The following CMTM6 variants were observed in gnomAD, a reference collection of about 807,000 sequenced individuals.
CMTM6 encodes CKLF like MARVEL transmembrane domain containing 6, also known as CKLF-like MARVEL transmembrane domain-containing protein 6.
CMTM6 carries 5 observed loss-of-function variants against 13.6 expected under a neutral mutation model. The observed-to-expected ratio is 0.37, with a 90% CI of 0.19 to 0.77. The LOEUF (loss-of-function observed/expected upper bound fraction) is 0.77, where lower values mean the gene tolerates loss of function less well. Among genes scored for constraint, CMTM6 ranks in the 30% least tolerant of loss-of-function variants. CMTM6 has a pLI of 0.50. For missense variants in CMTM6, 196 were observed against 218.6 expected (o/e 0.90, Z 0.65); for synonymous variants, 99 against 84.5 (o/e 1.17, Z -0.94).
intron 2 of CMTM6, among the ~76,000 whole-genome samples, chr3:32,489,134 G>A (rs1000800088): frequency 6.6e-6 from 1 of 151,796 alleles, no homozygotes; most frequent in Non-Finnish European, 1.5e-5. Context: ...GCTGGGCGTG[G>A]TGGTGGGTGC....
At chr3:32,502,347 G>A (rs1232088469) in intron 1 of CMTM6, among the ~76,000 whole-genome samples, 3 of 152,228 alleles carry the variant, frequency 2.0e-5, no homozygotes, top group African/African-American at 7.2e-5. Flanking sequence ...GGTCTCCGAC[G>A]CATTTCCTGA....
intron 1 of CMTM6, among the ~76,000 whole-genome samples, chr3:32,499,866 T>C (rs1311926188): frequency 6.6e-6 from 1 of 150,862 alleles, no homozygotes; most frequent in East Asian, 1.9e-4. Context: ...AATTCAGTTC[T>C]GTAATAGCAA....
chr3:32,484,841 C>T (rs1697189088), intron 3 of CMTM6, among the ~76,000 whole-genome samples: 2 of 152,076 alleles, frequency 1.3e-5, no homozygotes, highest in African/African-American at 4.8e-5. Flanking sequence ...ATCTAAACTC[C>T]CTATCTCCAC....
At chr3:32,486,683 C>T (rs753256205) in intron 3 of CMTM6, among the ~76,000 whole-genome samples, 11 of 152,062 alleles carry the variant, frequency 7.2e-5, no homozygotes, top group Non-Finnish European at 1.3e-4. Flanking sequence ...CAGGGTAATC[C>T]ACCATAATAA....
intron 1 of CMTM6, among the ~76,000 whole-genome samples, chr3:32,497,597 C>T (rs111882435): frequency 0.02 from 3,076 of 150,294 alleles, 45 homozygotes; most frequent in South Asian, 0.042. Flanking sequence ...CGGTGGCTCA[C>T]GCCTGTAATC....
In CMTM6 at chr3:32,487,963, C is replaced by T; in HGVS notation, c.389G>A (p.Arg130Lys). ...ASIIFVSTHD[R>K]TSAEIAAIVF... is the part of the protein sequence containing the mutation. Reference sequence around the variant, plus strand: ...AATTGCAGCAATCTCAGCTGAAGTCCTGTCATGTGTGGAAACAAAAATGAT... The same window carrying T: ...AATTGCAGCAATCTCAGCTGAAGTCTTGTCATGTGTGGAAACAAAAATGAT... Residue 130 changes from arginine (R) to lysine (K), a missense_variant, in exon 3 of 4, where the codon AGG becomes AAG. This residue lies in a region of CMTM6 where 111 missense variants were observed against 160.0 expected (regional missense o/e 0.69). Coordinates refer to ENST00000205636, the MANE Select transcript of CMTM6 (RefSeq NM_017801.3). 1.2e-6 allele frequency: 2 copies of T among 1,613,264 alleles called. No individual in the cohort carries two copies. The highest frequency in any genetic ancestry group is 1.7e-6 in the Non-Finnish European group (2 of 1,179,392).
chr3:32,501,953 A>G (rs1364243707), intron 1 of CMTM6, among the ~76,000 whole-genome samples: 1 of 152,248 alleles, frequency 6.6e-6, no homozygotes, highest in African/African-American at 2.4e-5. Flanking sequence ...TAAACTCAAT[A>G]AAATGGAAAG....
At chr3:32,500,038 T>G (rs1387786322) in intron 1 of CMTM6, among the ~76,000 whole-genome samples, 1 of 152,204 alleles carries the variant, frequency 6.6e-6, no homozygotes, top group East Asian at 1.9e-4. Flanking sequence ...TTTTCTCTTG[T>G]AGGATCTTTG....
intron 1 of CMTM6, among the ~76,000 whole-genome samples, chr3:32,495,147 C>A (rs188208025): frequency 6.6e-6 from 1 of 152,188 alleles, no homozygotes; most frequent in South Asian, 2.1e-4. Context: ...AAAATGTATA[C>A]ATCCCCACAA....
Position 32,502,516 on chromosome 3 carries a change from C to T in CMTM6, c.138+92G>A, listed in dbSNP as rs77589328. 3,827 of 1,490,332 alleles carry T rather than the reference C, an allele frequency of 2.6e-3. 96 individuals carry two copies. In the African/African-American group the frequency reaches 0.049, roughly 19 times the overall value. 92.3% of individuals were successfully genotyped at this position (1,490,332 alleles called of 1,614,324 possible). A position where few individuals can be genotyped will look rare whatever the true frequency, so the allele number is the denominator to read the frequency against. ...GTGGAAACCTCCTTTTACTGAACAA[C>T]CAAGCTGAAACGAAGGAGCTCGGCG... On this transcript the variant is annotated intron_variant, in intron 1 of 3. Transcript: ENST00000205636.
intron 1 of CMTM6, among the ~76,000 whole-genome samples, chr3:32,499,499 G>C (rs1220108320): frequency 6.6e-6 from 1 of 152,122 alleles, no homozygotes; most frequent in Admixed American, 6.5e-5. Flanking sequence ...CTGCACCAGC[G>C]TATCAGCAAG....
chr3:32,493,206 G>C (rs903910264), intron 1 of CMTM6, among the ~76,000 whole-genome samples: 3 of 152,216 alleles, frequency 2.0e-5, no homozygotes, highest in African/African-American at 7.2e-5. Flanking sequence ...GATGACAGAA[G>C]CAAGAGTTCT....
rs1279304064 is a variant in CMTM6, at chr3:32,502,734, T to C, written c.12A>G (p.Gly4=). 1 of 1,501,840 alleles carries C rather than the reference T, an allele frequency of 6.7e-7. No homozygotes were observed. The highest frequency in any genetic ancestry group is 8.9e-7 in the Non-Finnish European group (1 of 1,127,742). 93.0% of individuals were successfully genotyped at this position (1,501,840 alleles called of 1,614,324 possible). The change falls in exon 1 of 4, where the codon GGA becomes GGG. Residue 4 remains glycine, a synonymous_variant. Transcript: ENST00000205636. Reference sequence around the variant, plus strand: ...CCTCCGTAGTGGGGCTGTACACCGCTCCGTTCTCCATCGCCTCGGGCCGGG... The same window carrying C: ...CCTCCGTAGTGGGGCTGTACACCGCCCCGTTCTCCATCGCCTCGGGCCGGG... The part of the protein sequence containing the change: MEN[G]AVYSPTTEED...
At chr3:32,501,808 T>C (rs1697347961) in intron 1 of CMTM6, among the ~76,000 whole-genome samples, 1 of 152,238 alleles carries the variant, frequency 6.6e-6, no homozygotes, top group South Asian at 2.1e-4. Flanking sequence ...TGTTTCTATT[T>C]TTCCTAAACT....
At position 32,483,302 on chromosome 3, in the gene CMTM6, CT is replaced by C. The variant is rs1395470836; in HGVS notation, c.*657del. The C allele has an allele frequency of 6.6e-6, 1 of 152,580 alleles. No individual in the cohort carries two copies. The highest frequency in any genetic ancestry group is 2.4e-5 in the African/African-American group (1 of 41,426). 9.5% of individuals were successfully genotyped at this position (152,580 alleles called of 1,614,324 possible). A position where few individuals can be genotyped will look rare whatever the true frequency, so the allele number is the denominator to read the frequency against. On this transcript the variant is annotated 3_prime_UTR_variant, in exon 4 of 4. Coordinates refer to ENST00000205636, the MANE Select transcript of CMTM6 (RefSeq NM_017801.3). ...AAACACGAAGTTGCTGATATTGTTGCTTTTATACACATAAAATACCAACATC... is the reference window on the plus strand; with the variant it reads ...AAACACGAAGTTGCTGATATTGTTGCTTTATACACATAAAATACCAACATC...
chr3:32,498,880 A>G (rs1697318312), intron 1 of CMTM6, among the ~76,000 whole-genome samples: 1 of 151,908 alleles, frequency 6.6e-6, no homozygotes, highest in African/African-American at 2.4e-5. Flanking sequence ...ACCCGGCCTC[A>G]GTTTCACTAC....
At chr3:32,490,200 T>G (rs954854936) in intron 2 of CMTM6, among the ~76,000 whole-genome samples, 2 of 151,440 alleles carry the variant, frequency 1.3e-5, no homozygotes, top group Admixed American at 6.6e-5. Context: ...GAGCTGCTAT[T>G]GCGCCACTGC....
chr3:32,499,853 T>C (rs932580467), intron 1 of CMTM6, among the ~76,000 whole-genome samples: 3 of 151,654 alleles, frequency 2.0e-5, no homozygotes, highest in African/African-American at 4.9e-5. Context: ...CCCTTCAATA[T>C]TCAATTCAGT....
Position 32,482,035 on chromosome 3 carries a change from G to A in CMTM6, c.*1925C>T, listed in dbSNP as rs1697158679. ...ATTTTAGATAGGTCTAAATCACAAT[G>A]GTACAGTCTGATGTGAAACTTTAGT... On this transcript the variant is annotated 3_prime_UTR_variant, in exon 4 of 4. Transcript: ENST00000205636. The A allele has an allele frequency of 6.6e-6, 1 of 151,678 alleles. No homozygotes were observed. Among genetic ancestry groups the A allele is most frequent in the African/African-American group, 2.4e-5 (1 of 41,002 alleles). 9.4% of individuals were successfully genotyped at this position (151,678 alleles called of 1,614,324 possible).
Sources: gnomAD v4.1 joint callset for allele counts (sites outside exome capture counted in the v4.1 genomes callset) on GRCh38, gnomAD v4.1.1 for gene constraint, gnomAD v4.1.1 regional missense constraint, MANE v1.5 for transcripts, NCBI Gene and HGNC (gene_info 2026-07-23, HGNC 2026-07-21) for gene names.